SIPA1L1: variants seen among roughly 807,000 people sequenced by gnomAD.
The protein encoded by SIPA1L1 is signal induced proliferation associated 1 like 1.
SIPA1L1 carries 26 observed loss-of-function variants against 162.7 expected under a neutral mutation model. The observed-to-expected ratio is 0.16, with a 90% confidence interval of 0.12 to 0.22. The LOEUF is 0.22. Among genes scored for constraint, SIPA1L1 ranks in the 10% least tolerant of loss-of-function variants. The pLI is 1.00. For synonymous variants in SIPA1L1, 829 were observed against 837.4 expected, an observed-to-expected ratio of 0.99 and a Z score of 0.17; for missense variants, 1,874 against 2,241.0, an observed-to-expected ratio of 0.84 and a Z score of 3.31.
intron 8 of SIPA1L1, among the ~76,000 whole-genome samples, chr14:71,654,208 A>C (rs1413042162): frequency 6.6e-6 from 1 of 152,234 alleles, no homozygotes; most frequent in East Asian, 1.9e-4. Context: ...TGTAGCAAAC[A>C]AGCAAGCTAC....
At chr14:71,440,117 C>A (rs994129972) in intron 2 of SIPA1L1, among the ~76,000 whole-genome samples, 5 of 152,110 alleles carry the variant, frequency 3.3e-5, no homozygotes, top group African/African-American at 1.2e-4. Flanking sequence ...CCTCTGCCTC[C>A]CAGGTTGAAG....
At chr14:71,678,306 A>G (rs911187147) in intron 12 of SIPA1L1, among the ~76,000 whole-genome samples, 25 of 152,186 alleles carry the variant, frequency 1.6e-4, no homozygotes, top group African/African-American at 5.8e-4. Flanking sequence ...TTATTTTGAG[A>G]TAAGTCCCAT....
intron 2 of SIPA1L1, among the ~76,000 whole-genome samples, chr14:71,421,911 C>T (rs1289808036): frequency 2.0e-5 from 3 of 152,136 alleles, no homozygotes; most frequent in African/African-American, 7.2e-5. Flanking sequence ...TGGAGATTTA[C>T]CGCAAGAAGG....
At chr14:71,585,389 G>A (rs1236325741) in intron 4 of SIPA1L1, among the ~76,000 whole-genome samples, 1 of 152,032 alleles carries the variant, frequency 6.6e-6, no homozygotes, top group Non-Finnish European at 1.5e-5. Context: ...AATTTCTTTT[G>A]AATTGGTAAG....
chr14:71,634,423 C>A (rs1293100657), intron 7 of SIPA1L1, among the ~76,000 whole-genome samples: 1 of 148,944 alleles, frequency 6.7e-6, no homozygotes. Flanking sequence ...AAAAAACCCA[C>A]CTATAAGGGA....
At chr14:71,392,397 C>T (rs544958645) in intron 2 of SIPA1L1, among the ~76,000 whole-genome samples, 3 of 152,216 alleles carry the variant, frequency 2.0e-5, no homozygotes, top group Non-Finnish European at 4.4e-5. Flanking sequence ...TGTTTCTTCT[C>T]CCTAAACATT....
At chr14:71,641,296 AT>A (rs1468145548) in intron 7 of SIPA1L1, among the ~76,000 whole-genome samples, 2 of 151,802 alleles carry the variant, frequency 1.3e-5, no homozygotes, top group African/African-American at 2.4e-5. Context: ...AAAAAAAAAA[AT>A]CAAATATAGG....
intron 2 of SIPA1L1, among the ~76,000 whole-genome samples, chr14:71,331,562 A>G (rs1171428492): frequency 6.6e-6 from 1 of 152,214 alleles, no homozygotes; most frequent in East Asian, 1.9e-4. Flanking sequence ...GGCTTGGGAA[A>G]GCTTCAAAAA....
Position 71,609,873 on chromosome 14 carries a change from G to A in SIPA1L1, c.1499-8884G>A, listed in dbSNP as rs113391186. Among the ~76,000 whole-genome samples the A allele has an allele frequency of 5.1e-3, 777 of 151,646 alleles. 8 individuals are homozygous for A. Among genetic ancestry groups the A allele is most frequent in the African/African-American group, 0.018 (734 of 41,422 alleles). On this transcript the variant is annotated intron_variant, in intron 5 of 23. Coordinates refer to ENST00000381232, the MANE Select transcript of SIPA1L1 (RefSeq NM_001386936.1). The stretch of plus-strand genomic sequence containing the variant: ...TTGATTAGTAAGCCACTTCCCCTGC[G>A]CCCCCCACCCCACCCTGCCCTGCCA...
At chr14:71,339,999 A>G (rs772956592) in intron 2 of SIPA1L1, among the ~76,000 whole-genome samples, 1 of 152,210 alleles carries the variant, frequency 6.6e-6, no homozygotes, top group Non-Finnish European at 1.5e-5. Context: ...AATTGCAGTC[A>G]TATTTTGGCT....
In SIPA1L1 at chr14:71,709,247, C is replaced by T. The variant is rs147470932; in HGVS notation, c.3791C>T (p.Ser1264Phe). The T allele has an allele frequency of 6.2e-7, 1 of 1,613,946 alleles. No homozygotes were observed. The highest frequency in any genetic ancestry group is 8.5e-7 in the Non-Finnish European group (1 of 1,179,942). Reference sequence around the variant, plus strand: ...TCTGATAGCCACTACTCGAGCCACTCCAGTAGCAATACTCTCTCCAGCAAT... The same window carrying T: ...TCTGATAGCCACTACTCGAGCCACTTCAGTAGCAATACTCTCTCCAGCAAT... Reference protein sequence around the residue: ...GHSDSHYSSHSSSNTLSSNAS... With the variant: ...GHSDSHYSSHFSSNTLSSNAS... The change falls in exon 17 of 24, where the codon TCC becomes TTC. Residue 1264 changes from serine to phenylalanine, a missense_variant. Around this residue, in one of 5 missense-constraint regions of SIPA1L1, gnomAD observed 936 missense variants for 1,051.9 expected, o/e 0.89. Coordinates refer to ENST00000381232, the MANE Select transcript of SIPA1L1 (RefSeq NM_001386936.1).
intron 2 of SIPA1L1, among the ~76,000 whole-genome samples, chr14:71,506,387 A>G (rs974520972): frequency 1.3e-5 from 2 of 152,066 alleles, no homozygotes; most frequent in Admixed American, 1.3e-4. Context: ...TTTGCCTAGG[A>G]TGGAGTGCAG....
At chr14:71,427,209 G>A (rs1340154483) in intron 2 of SIPA1L1, among the ~76,000 whole-genome samples, 2 of 151,712 alleles carry the variant, frequency 1.3e-5, no homozygotes, top group South Asian at 2.1e-4. Flanking sequence ...CTTGCAAGAC[G>A]GGTCTAATGG....
chr14:71,535,940 A>G (rs2053856770), intron 4 of SIPA1L1, among the ~76,000 whole-genome samples: 1 of 152,162 alleles, frequency 6.6e-6, no homozygotes, highest in African/African-American at 2.4e-5. Context: ...GGTTTTTAAC[A>G]TAGTGTATCT....
chr14:71,481,233 C>G (rs918576943), intron 2 of SIPA1L1, among the ~76,000 whole-genome samples: 25 of 152,186 alleles, frequency 1.6e-4, no homozygotes, highest in Non-Finnish European at 4.4e-5. Context: ...AACCCTAGCA[C>G]TTTGAGAACC....
intron 2 of SIPA1L1, 28 bp downstream of exon 2, chr14:71,321,209 G>A (rs775225669): frequency 2.6e-5 from 4 of 152,208 alleles, no homozygotes; most frequent in Admixed American, 2.0e-4. Flanking sequence ...CCGGGTCCTG[G>A]GGGGAGCGGG....
chr14:71,699,660 T>TG (rs1298875100), intron 14 of SIPA1L1, among the ~76,000 whole-genome samples: 6 of 152,164 alleles, frequency 3.9e-5, no homozygotes, highest in African/African-American at 1.4e-4. Context: ...ATGTGCAAGC[T>TG]GAGGATGAGA....
At chr14:71,605,104 T>C (rs1278128386) in intron 5 of SIPA1L1, among the ~76,000 whole-genome samples, 1 of 151,492 alleles carries the variant, frequency 6.6e-6, no homozygotes, top group African/African-American at 2.4e-5. Context: ...TGACTGACTA[T>C]GTTATTTCAA....
chr14:71,487,586 C>T (rs80139297), intron 2 of SIPA1L1, among the ~76,000 whole-genome samples: 1 of 152,078 alleles, frequency 6.6e-6, no homozygotes, highest in African/African-American at 2.4e-5. Flanking sequence ...AATGAGTGTG[C>T]ATGGGTGAGC....
Sources: gnomAD v4.1 joint callset for allele counts (sites outside exome capture counted in the v4.1 genomes callset) on GRCh38, gnomAD v4.1.1 for gene constraint, gnomAD v4.1.1 regional missense constraint, MANE v1.5 for transcripts, NCBI Gene and HGNC (gene_info 2026-07-23, HGNC 2026-07-21) for gene names.